The following TENM2 variants were observed in gnomAD, a reference collection of about 807,000 sequenced individuals.
TENM2 encodes the protein teneurin-2.
In TENM2, 52 loss-of-function variants were observed where a neutral mutation model predicts 245.2. That is an observed-to-expected ratio of 0.21 (90% confidence interval 0.17 to 0.27). The LOEUF is 0.27. Ranked by LOEUF, TENM2 falls within the 10% of genes least tolerant of loss-of-function variation. TENM2 has a pLI of 1.00. For missense variants in TENM2, 3,046 were observed against 3,666.8 expected (o/e 0.83, Z 4.37); for synonymous variants, 1,363 against 1,438.9 (o/e 0.95, Z 1.19).
intron 5 of TENM2, among the ~76,000 whole-genome samples, chr5:168,024,726 C>T (rs1347916367): frequency 6.6e-6 from 1 of 152,180 alleles, no homozygotes; most frequent in Non-Finnish European, 1.5e-5. Context: ...CAAGCCATAA[C>T]ATTGTTCCCT....
chr5:167,175,485 G>T, the TENM2 span, among the ~76,000 whole-genome samples: 1,073 of 152,318 alleles, frequency 7.0e-3, 5 homozygotes, highest in Non-Finnish European at 0.011. Flanking sequence ...CACATTCTTT[G>T]TCATGGGACT....
intron 2 of TENM2, among the ~76,000 whole-genome samples, chr5:167,593,209 G>T (rs1182726541): frequency 6.6e-6 from 1 of 152,118 alleles, no homozygotes; most frequent in Non-Finnish European, 1.5e-5. Flanking sequence ...TTGGATATTG[G>T]CTCTCCCTTC....
At chr5:167,533,981 GA>G (rs1260456546) in intron 2 of TENM2, among the ~76,000 whole-genome samples, 1 of 152,172 alleles carries the variant, frequency 6.6e-6, no homozygotes, top group African/African-American at 2.4e-5. Context: ...GAGGCTTGAA[GA>G]AGCAACAAGC....
At chr5:167,063,135 A>G in the TENM2 span, among the ~76,000 whole-genome samples, 2 of 152,126 alleles carry the variant, frequency 1.3e-5, no homozygotes, top group Non-Finnish European at 2.9e-5. Flanking sequence ...TATTTCAAGT[A>G]TAAGAATGTC....
At chr5:167,866,227 G>T (rs538376053) in intron 2 of TENM2, among the ~76,000 whole-genome samples, 1 of 152,330 alleles carries the variant, frequency 6.6e-6, no homozygotes, top group Admixed American at 6.5e-5. Flanking sequence ...AGCTGGGCGT[G>T]GTGGCTCACG....
chr5:167,853,587 A>G (rs961448062), intron 2 of TENM2, among the ~76,000 whole-genome samples: 2 of 152,132 alleles, frequency 1.3e-5, no homozygotes. Flanking sequence ...TGCTATTTTA[A>G]GGCAAATGTT....
At chr5:167,379,920 T>TA (rs752067340) in intron 2 of TENM2, among the ~76,000 whole-genome samples, 71 of 97,068 alleles carry the variant, frequency 7.3e-4, no homozygotes, top group Non-Finnish European at 1.2e-3. Context: ...AAACAAAATT[T>TA]AAAAACATAC....
intron 2 of TENM2, among the ~76,000 whole-genome samples, chr5:167,807,124 T>TAAAAAAAAAAAAAAAAAAAAAAAAA (rs1178739925): frequency 6.1e-5 from 3 of 49,080 alleles, no homozygotes; most frequent in African/African-American, 2.5e-4. Context: ...GCCCCTAGGT[T>TAAAAAAAAAAAAAAAAAAAAAAAAA]AAAAAAAAAA....
chr5:167,911,364 A>G (rs941361844), intron 3 of TENM2, among the ~76,000 whole-genome samples: 2 of 151,332 alleles, frequency 1.3e-5, no homozygotes, highest in African/African-American at 4.8e-5. Context: ...GTCTCTACTA[A>G]AAATACAAAA....
chr5:167,481,039 T>C (rs929567247), intron 2 of TENM2, among the ~76,000 whole-genome samples: 1 of 152,228 alleles, frequency 6.6e-6, no homozygotes, highest in Non-Finnish European at 1.5e-5. Context: ...AAGCATATCC[T>C]CAGAATGTCT....
chr5:168,033,478 A>G (rs768295295), intron 5 of TENM2, among the ~76,000 whole-genome samples: 1 of 152,112 alleles, frequency 6.6e-6, no homozygotes, highest in Non-Finnish European at 1.5e-5. Flanking sequence ...TCAATGAGAA[A>G]TGTCTTAAAA....
At chr5:168,110,242 A>G in intron 9 of TENM2, among the ~76,000 whole-genome samples, 1 of 151,992 alleles carries the variant, frequency 6.6e-6, no homozygotes, top group East Asian at 1.9e-4. Flanking sequence ...GGACAGGGAA[A>G]GGGTGCTTTA....
At chr5:167,141,167 G>A in the TENM2 span, among the ~76,000 whole-genome samples, 21 of 152,274 alleles carry the variant, frequency 1.4e-4, no homozygotes, top group African/African-American at 4.1e-4. Flanking sequence ...CACACACTGC[G>A]ATTCGCTTCA....
intron 2 of TENM2, among the ~76,000 whole-genome samples, chr5:167,401,165 C>A (rs150184555): frequency 6.6e-6 from 1 of 152,076 alleles, no homozygotes; most frequent in Non-Finnish European, 1.5e-5. Context: ...GCGAACACTA[C>A]GTCCTGTACA....
the TENM2 span, among the ~76,000 whole-genome samples, chr5:167,073,699 G>A: frequency 6.6e-6 from 1 of 152,054 alleles, no homozygotes; most frequent in African/African-American, 2.4e-5. Flanking sequence ...TCTTCACATA[G>A]AAATAAACTG....
At chr5:167,453,295 T>G (rs1185433909) in intron 2 of TENM2, among the ~76,000 whole-genome samples, 2 of 152,112 alleles carry the variant, frequency 1.3e-5, no homozygotes, top group African/African-American at 2.4e-5. Context: ...ATGCATTTGT[T>G]TTGTTGAAAT....
chr5:167,758,168 A>AT (rs1762431383), intron 2 of TENM2, among the ~76,000 whole-genome samples: 1 of 152,214 alleles, frequency 6.6e-6, no homozygotes, highest in African/African-American at 2.4e-5. Flanking sequence ...CAGAGTTGGA[A>AT]GGCAGTCTAA....
intron 12 of TENM2, among the ~76,000 whole-genome samples, chr5:168,131,427 C>A (rs1361309930): frequency 6.6e-6 from 1 of 152,222 alleles, no homozygotes; most frequent in African/African-American, 2.4e-5. Context: ...GTACAGTTTT[C>A]TTTTCCCTGT....
At chr5:167,037,640 C>G in the TENM2 span, among the ~76,000 whole-genome samples, 3 of 152,152 alleles carry the variant, frequency 2.0e-5, no homozygotes, top group Non-Finnish European at 2.9e-5. Flanking sequence ...GTAAAACTTG[C>G]AGAAGGAGTG....
Sources: allele counts gnomAD v4.1 joint callset (sites outside exome capture counted in the v4.1 genomes callset), GRCh38; gene constraint gnomAD v4.1.1; transcripts MANE v1.5; gene names NCBI Gene and HGNC (gene_info 2026-07-23, HGNC 2026-07-21).